XIAP: variants seen among roughly 807,000 people sequenced by gnomAD.
XIAP encodes X-linked inhibitor of apoptosis.
In XIAP, 3 loss-of-function variants were observed where a neutral mutation model predicts 33.1. The ratio of observed to expected loss-of-function variants is 0.09; its 90% confidence interval spans 0.04 to 0.23. The LOEUF (loss-of-function observed/expected upper bound fraction) is 0.23, where lower values mean the gene tolerates loss of function less well. Ranked by LOEUF, XIAP falls within the 10% of genes least tolerant of loss-of-function variation. The pLI is 1.00. For missense variants in XIAP, 264 were observed against 363.0 expected, an observed-to-expected ratio of 0.73 and a Z score of 2.22; for synonymous variants, 98 against 121.3, an observed-to-expected ratio of 0.81 and a Z score of 1.26.
intron 5 of XIAP, among the ~76,000 whole-genome samples, chrX:123,899,202 TG>T (rs763295730): frequency 0.01 from 576 of 56,578 alleles, 30 homozygotes; most frequent in African/African-American, 0.041. Flanking sequence ...TATATATGAT[TG>T]TGTATATATA....
At position 123,886,019 on chromosome X, in the gene XIAP, C is replaced by T; in HGVS notation, c.357C>T (p.Asn119=). 8.3e-7 allele frequency: 1 copy of T among 1,211,863 alleles called. No individual in the cohort carries two copies. Among genetic ancestry groups the T allele is most frequent in the Admixed American group, 2.2e-5 (1 of 46,014 alleles). Reference sequence around the variant, plus strand: ...AGAATGGTCAGTACAAAGTTGAAAACTATCTGGGAAGCAGAGATCATTTTG... The same window carrying T: ...AGAATGGTCAGTACAAAGTTGAAAATTATCTGGGAAGCAGAGATCATTTTG... ...GIQNGQYKVE[N]YLGSRDHFAL... is the part of the protein sequence containing the mutation. The change falls in exon 2 of 7, where the codon AAC becomes AAT. Residue 119 remains asparagine, a synonymous_variant. Coordinates refer to ENST00000371199, the MANE Select transcript of XIAP (RefSeq NM_001167.4).
chrX:123,864,635 AGTGTGTGTGTGTGT>A lies in XIAP; in HGVS notation c.-33+4375_-33+4388del, dbSNP rs748255094. ...GCACCCGCCACCACACCCGGCTTAG[AGTGTGTGTGTGTGT>A]GTGTGTGTGTGTGTGTGTGTGTGTG... On this transcript the variant is annotated intron_variant, in intron 1 of 6. Coordinates refer to ENST00000371199, the MANE Select transcript of XIAP (RefSeq NM_001167.4). Among the ~76,000 whole-genome samples, 160 of 84,662 alleles carry A rather than the reference AGTGTGTGTGTGTGT, an allele frequency of 1.9e-3. 3 individuals carry two copies. Among genetic ancestry groups the A allele is most frequent in the Middle Eastern group, 6.3e-3 (1 of 160 alleles). 73.5% of individuals were successfully genotyped at this position (84,662 alleles called of 115,157 possible).
In XIAP at chrX:123,912,348, CAAAAA is replaced by C; in HGVS notation, c.*5176_*5180del. 1 of 281,599 alleles carries C rather than the reference CAAAAA, an allele frequency of 3.6e-6. No homozygotes were observed. Among genetic ancestry groups the C allele is most frequent in the Non-Finnish European group, 6.6e-6 (1 of 151,616 alleles). 23.2% of individuals were successfully genotyped at this position (281,599 alleles called of 1,213,427 possible). On this transcript the variant is annotated 3_prime_UTR_variant, in exon 7 of 7. Transcript: ENST00000371199. ...TAGCATTAAGGTTGGTGCAAAAATG[CAAAAA>C]AAAAAAAAGCAATTATTTTTAAACC...
chrX:123,869,819 A>G (rs1281929868), intron 1 of XIAP, among the ~76,000 whole-genome samples: 1 of 112,633 alleles, frequency 8.9e-6, no homozygotes, highest in South Asian at 3.6e-4. Flanking sequence ...TAGATTCCAT[A>G]TATGAAAACA....
Position 123,908,915 on chromosome X carries a change from A to G in XIAP, c.*1734A>G. 2.9e-6 allele frequency: 1 copy of G among 350,803 alleles called. No individual in the cohort carries two copies. Among genetic ancestry groups the G allele is most frequent in the Non-Finnish European group, 5.5e-6 (1 of 183,109 alleles). 28.9% of individuals were successfully genotyped at this position (350,803 alleles called of 1,213,427 possible). A position where few individuals can be genotyped will look rare whatever the true frequency, so the allele number is the denominator to read the frequency against. ...AGGAAAGTTTGAGAGTAAAACTGTAAAAAATTATATTTTTGTTGTACTTTC... is the reference window on the plus strand; with the variant it reads ...AGGAAAGTTTGAGAGTAAAACTGTAGAAAATTATATTTTTGTTGTACTTTC... On this transcript the variant is annotated 3_prime_UTR_variant, in exon 7 of 7. Coordinates refer to ENST00000371199, the MANE Select transcript of XIAP (RefSeq NM_001167.4).
At chrX:123,900,444 ATAAT>A (rs2053504879) in intron 5 of XIAP, 45 bp from the exon 6 acceptor site, 1 of 1,073,335 alleles carries the variant, frequency 9.3e-7, no homozygotes, top group East Asian at 3.1e-5. Flanking sequence ...GATAATGAAA[ATAAT>A]TGTTTAAATT....
chrX:123,868,305 A>G (rs1272148303), intron 1 of XIAP, among the ~76,000 whole-genome samples: 2 of 111,500 alleles, frequency 1.8e-5, no homozygotes, highest in African/African-American at 6.5e-5. Flanking sequence ...AAACAAACAA[A>G]CAAGCAAACA....
Position 123,909,115 on chromosome X carries a change from G to A in XIAP, c.*1934G>A, listed in dbSNP as rs1466005080. On this transcript the variant is annotated 3_prime_UTR_variant, in exon 7 of 7. Transcript: ENST00000371199. ...GTGATCTCTGCTCACTGCAACCTCC[G>A]CCTTCTGGGTTCAAGCGATTCTCGT... is the stretch of plus-strand genomic sequence containing the variant. 7.3e-6 allele frequency: 2 copies of A among 273,873 alleles called. No individual in the cohort carries two copies. The highest frequency in any genetic ancestry group is 3.5e-5 in the South Asian group (1 of 28,177). The allele number at this position is 273,873 out of a possible 1,213,427, so 22.6% of individuals were successfully genotyped here.
At chrX:123,897,564 CTT>C (rs773044284) in intron 5 of XIAP, among the ~76,000 whole-genome samples, 6 of 103,735 alleles carry the variant, frequency 5.8e-5, no homozygotes, top group African/African-American at 1.7e-4. Context: ...TCTGGAAAGA[CTT>C]TTTTTTTTTT....
In XIAP at chrX:123,907,735, A is replaced by T. The variant is rs1172292876; in HGVS notation, c.*554A>T. Reference sequence around the variant, plus strand: ...ACGTACTTGTGCGAATTATTTTTTTAAAGTGATTTGCCATTTTTGAAAGCG... The same window carrying T: ...ACGTACTTGTGCGAATTATTTTTTTTAAGTGATTTGCCATTTTTGAAAGCG... On this transcript the variant is annotated 3_prime_UTR_variant, in exon 7 of 7. Coordinates refer to ENST00000371199, the MANE Select transcript of XIAP (RefSeq NM_001167.4). 10 of 379,369 alleles carry T rather than the reference A, an allele frequency of 2.6e-5. No individual in the cohort carries two copies. The highest frequency in any genetic ancestry group is 5.0e-5 in the Non-Finnish European group (10 of 200,623). The allele number at this position is 379,369 out of a possible 1,213,427, so 31.3% of individuals were successfully genotyped here.
chrX:123,883,289 G>A (rs1392555822), intron 1 of XIAP, among the ~76,000 whole-genome samples: 4 of 110,324 alleles, frequency 3.6e-5, no homozygotes, highest in African/African-American at 1.3e-4. Context: ...TCACCATGTT[G>A]GTCAGGCTGG....
chrX:123,880,071 G>A (rs1461275310), intron 1 of XIAP, among the ~76,000 whole-genome samples: 1 of 109,308 alleles, frequency 9.1e-6, no homozygotes, highest in Non-Finnish European at 1.9e-5. Context: ...CCGAGATTGC[G>A]CCACTGCACT....
chrX:123,892,855 C>G, intron 5 of XIAP, 82 bp downstream of exon 5: 3 of 948,941 alleles, frequency 3.2e-6, no homozygotes, highest in Non-Finnish European at 4.5e-6. Flanking sequence ...GAGTCTCACT[C>G]TGTTGCCCAG....
chrX:123,911,174 T>G lies in XIAP; in HGVS notation c.*3993T>G, dbSNP rs1331739614. ...ATGCTTACTCATAGTTTTTGGTGTT[T>G]CTCATAGATAAGATATAAATCAGCT... On this transcript the variant is annotated 3_prime_UTR_variant, in exon 7 of 7. Coordinates refer to ENST00000371199, the MANE Select transcript of XIAP (RefSeq NM_001167.4). The G allele has an allele frequency of 3.0e-6, 1 of 329,125 alleles. No individual in the cohort carries two copies. The highest frequency in any genetic ancestry group is 2.6e-5 in the South Asian group (1 of 38,495). The allele number at this position is 329,125 out of a possible 1,213,427, so 27.1% of individuals were successfully genotyped here.
rs1205792483 is a variant in XIAP, at chrX:123,880,140, C to T, written c.-32-5491C>T. 2.0e-4 allele frequency among the ~76,000 whole-genome samples: 22 copies of T among 107,960 alleles called. No individual in the cohort carries two copies. In the East Asian group the frequency reaches 3.3e-3, roughly 16 times the overall value. The allele number at this position is 107,960 out of a possible 115,157, so 93.8% of individuals were successfully genotyped here. A position where few individuals can be genotyped will look rare whatever the true frequency, so the allele number is the denominator to read the frequency against. On this transcript the variant is annotated intron_variant, in intron 1 of 6. Coordinates refer to ENST00000371199, the MANE Select transcript of XIAP (RefSeq NM_001167.4). ...AAAAAGAAAACCTTAAGGCTGGGCGCGGTGGCTCATGCCTATAATCCCAGC... is the reference window on the plus strand; with the variant it reads ...AAAAAGAAAACCTTAAGGCTGGGCGTGGTGGCTCATGCCTATAATCCCAGC...
intron 1 of XIAP, among the ~76,000 whole-genome samples, chrX:123,877,987 GAATTT>G (rs67006424): frequency 0.38 from 40,205 of 105,543 alleles, 6,084 homozygotes; most frequent in African/African-American, 0.48. Flanking sequence ...AAAAAAAAAA[GAATTT>G]AAAGAATATA....
At chrX:123,903,509 T>G (rs1373957603) in intron 6 of XIAP, among the ~76,000 whole-genome samples, 1 of 109,777 alleles carries the variant, frequency 9.1e-6, no homozygotes, top group Non-Finnish European at 1.9e-5. Context: ...TTTTATGACC[T>G]TAATTGGGAA....
intron 5 of XIAP, among the ~76,000 whole-genome samples, chrX:123,897,381 T>C (rs187129834): frequency 2.0e-4 from 22 of 112,072 alleles, no homozygotes; most frequent in African/African-American, 7.1e-4. Context: ...TGTTATATCT[T>C]ACATTCTGGT....
At chrX:123,866,553 T>A (rs932809759) in intron 1 of XIAP, among the ~76,000 whole-genome samples, 1 of 93,778 alleles carries the variant, frequency 1.1e-5, no homozygotes, top group East Asian at 3.0e-4. Flanking sequence ...TATATAATAA[T>A]GTATGATATA....
Sources: gnomAD v4.1 joint callset for allele counts (sites outside exome capture counted in the v4.1 genomes callset) on GRCh38, gnomAD v4.1.1 for gene constraint, MANE v1.5 for transcripts, NCBI Gene and HGNC (gene_info 2026-07-23, HGNC 2026-07-21) for gene names.